COL4A6: variants seen among roughly 807,000 people sequenced by gnomAD.
COL4A6 encodes collagen alpha-6(IV) chain.
A neutral mutation model predicts 126.7 loss-of-function variants in COL4A6; 59 were observed. The ratio of observed to expected loss-of-function variants is 0.47; its 90% CI spans 0.38 to 0.58. The LOEUF is 0.58. Among genes scored for constraint, COL4A6 ranks in the 20% least tolerant of loss-of-function variants. The probability of loss-of-function intolerance (pLI) is 0.00; values close to 1 mark genes in which losing one functional copy is unlikely to be tolerated. For synonymous variants in COL4A6, 547 were observed against 496.6 expected (o/e 1.10, Z -1.35); for missense variants, 1,285 against 1,337.3 (o/e 0.96, Z 0.61).
At chrX:108,387,361 T>C (rs760348408) in intron 2 of COL4A6, among the ~76,000 whole-genome samples, 1 of 112,367 alleles carries the variant, frequency 8.9e-6, no homozygotes, top group Non-Finnish European at 1.9e-5. Context: ...GGAATGTTTT[T>C]CCATTTCTTT....
At chrX:108,424,494 A>C (rs1038523035) in intron 2 of COL4A6, among the ~76,000 whole-genome samples, 1 of 111,605 alleles carries the variant, frequency 9.0e-6, no homozygotes, top group Non-Finnish European at 1.9e-5. Flanking sequence ...CTCATTTTCT[A>C]CTATTTCTTT....
At chrX:108,436,380 G>C (rs1458733395) in intron 2 of COL4A6, among the ~76,000 whole-genome samples, 2 of 112,449 alleles carry the variant, frequency 1.8e-5, no homozygotes, top group Non-Finnish European at 3.8e-5. Context: ...GGTTTTTAAA[G>C]GTATTAAGTG....
chrX:108,302,654 T>C (rs2038519234), intron 3 of COL4A6, among the ~76,000 whole-genome samples: 1 of 110,735 alleles, frequency 9.0e-6, no homozygotes, highest in Non-Finnish European at 1.9e-5. Flanking sequence ...CATCAATATC[T>C]CTGGTATACA....
chrX:108,267,979 C>T (rs1297239022), intron 3 of COL4A6: 6 of 112,251 alleles, frequency 5.3e-5, no homozygotes, highest in Non-Finnish European at 1.1e-4. Context: ...CTTGTAATAA[C>T]GAGTACAACT....
At chrX:108,172,601 C>A in intron 31 of COL4A6, 69 bp from the exon 32 acceptor site, 1 of 868,690 alleles carries the variant, frequency 1.2e-6, no homozygotes, top group Non-Finnish European at 1.6e-6. Flanking sequence ...TACTTCCTCA[C>A]CCCTCACTGA....
At position 108,269,721 on chromosome X, in the gene COL4A6, G is replaced by A. The variant is rs751337046; in HGVS notation, c.144+41027C>T. Among the ~76,000 whole-genome samples, 128 of 111,930 alleles carry A rather than the reference G, an allele frequency of 1.1e-3. 1 individual carries two copies. The highest frequency in any genetic ancestry group is 2.1e-3 in the Non-Finnish European group (112 of 53,154). On this transcript the variant is annotated intron_variant, in intron 3 of 44. Transcript: ENST00000334504. ...AGAACTATAGTATTTTGGTGTTTGA[G>A]GCCATTCTGGTTCAATTATCATGTG...
chrX:108,258,168 G>C lies in COL4A6; in HGVS notation c.145-36794C>G, dbSNP rs998097540. Among the ~76,000 whole-genome samples, 3 of 111,777 alleles carry C rather than the reference G, an allele frequency of 2.7e-5. No homozygotes were observed. In the Admixed American group the frequency reaches 2.8e-4, roughly 11 times the overall value. On this transcript the variant is annotated intron_variant, in intron 3 of 44. Coordinates refer to ENST00000334504, the MANE Select transcript of COL4A6 (RefSeq NM_033641.4). ...GAGATGATCTGCAAAACAGAAGACA[G>C]CTTGTTAAGGATGAACTCTGGGGCC...
intron 2 of COL4A6, among the ~76,000 whole-genome samples, chrX:108,399,201 G>C (rs1369912198): frequency 9.0e-6 from 1 of 111,210 alleles, no homozygotes; most frequent in Admixed American, 9.6e-5. Context: ...AACCATGCAA[G>C]AATTTTTAGC....
At chrX:108,189,781 G>A (rs2148151528) in intron 20 of COL4A6, among the ~76,000 whole-genome samples, 1 of 112,276 alleles carries the variant, frequency 8.9e-6, no homozygotes, top group South Asian at 3.7e-4. Flanking sequence ...TGAGGCTGAG[G>A]AAAGCAGTTC....
intron 3 of COL4A6, among the ~76,000 whole-genome samples, chrX:108,285,821 T>A (rs996103257): frequency 8.9e-6 from 1 of 111,736 alleles, no homozygotes; most frequent in Admixed American, 9.5e-5. Flanking sequence ...GACCAATAAG[T>A]TGTAACAGCC....
At chrX:108,250,174 C>T (rs1246090557) in intron 3 of COL4A6, among the ~76,000 whole-genome samples, 1 of 111,056 alleles carries the variant, frequency 9.0e-6, no homozygotes, top group African/African-American at 3.3e-5. Context: ...TAAACAATTT[C>T]CAATTCGCTT....
chrX:108,409,422 A>G (rs1490821834), intron 2 of COL4A6, among the ~76,000 whole-genome samples: 1 of 112,310 alleles, frequency 8.9e-6, no homozygotes, highest in African/African-American at 3.2e-5. Context: ...TCAAGTGACT[A>G]CTATGCTAAG....
intron 2 of COL4A6, among the ~76,000 whole-genome samples, chrX:108,403,003 T>C (rs983236320): frequency 3.6e-5 from 4 of 111,846 alleles, no homozygotes; most frequent in Middle Eastern, 4.6e-3. Context: ...ATTTTTTATC[T>C]GCTTGAAGTA....
At chrX:108,249,335 C>T (rs1477138679) in intron 3 of COL4A6, among the ~76,000 whole-genome samples, 2 of 110,537 alleles carry the variant, frequency 1.8e-5, no homozygotes, top group Non-Finnish European at 3.8e-5. Flanking sequence ...CATATTTCTA[C>T]TAATTATAAG....
At chrX:108,364,501 G>T (rs1172685261) in intron 2 of COL4A6, among the ~76,000 whole-genome samples, 1 of 111,099 alleles carries the variant, frequency 9.0e-6, no homozygotes, top group Non-Finnish European at 1.9e-5. Flanking sequence ...TTGCAGAGTG[G>T]TGAAGTCTGG....
At chrX:108,378,451 C>T in intron 2 of COL4A6, among the ~76,000 whole-genome samples, 1 of 111,806 alleles carries the variant, frequency 8.9e-6, no homozygotes. Context: ...TATGAGATAC[C>T]CTTTAGGAAA....
chrX:108,332,366 T>C (rs2039322404), intron 2 of COL4A6, among the ~76,000 whole-genome samples: 1 of 111,998 alleles, frequency 8.9e-6, no homozygotes, highest in South Asian at 3.7e-4. Context: ...AGATACCCAG[T>C]AGTGAGATTG....
intron 3 of COL4A6, among the ~76,000 whole-genome samples, chrX:108,279,170 A>T (rs1302265667): frequency 8.9e-6 from 1 of 111,740 alleles, no homozygotes; most frequent in Non-Finnish European, 1.9e-5. Flanking sequence ...AATGAACTAA[A>T]TGCTCCAATT....
At chrX:108,211,633 C>T in intron 7 of COL4A6, 39 bp downstream of exon 7, 2 of 1,173,571 alleles carry the variant, frequency 1.7e-6, no homozygotes, top group East Asian at 3.0e-5. Flanking sequence ...GGGAACCCAG[C>T]TTATAGCCTA....
Sources: gnomAD v4.1 joint callset for allele counts (sites outside exome capture counted in the v4.1 genomes callset) on GRCh38, gnomAD v4.1.1 for gene constraint, MANE v1.5 for transcripts, NCBI Gene and HGNC (gene_info 2026-07-23, HGNC 2026-07-21) for gene names.